Variants in PKD1L1 observed in about 807,000 individuals in gnomAD.
PKD1L1 encodes polycystin-1-like protein 1.
In PKD1L1, 236 loss-of-function variants were observed where a neutral mutation model predicts 323.4. The observed-to-expected ratio is 0.73, with a 90% CI of 0.66 to 0.81. The LOEUF is 0.81. Among genes scored for constraint, PKD1L1 ranks in the 40% least tolerant of loss-of-function variants. PKD1L1 has a pLI of 0.00. For synonymous variants in PKD1L1, 1,344 were observed against 1,335.0 expected, an observed-to-expected ratio of 1.01 and a Z score of -0.15; for missense variants, 3,320 against 3,508.0, an observed-to-expected ratio of 0.95 and a Z score of 1.35.
intron 4 of PKD1L1, among the ~76,000 whole-genome samples, chr7:47,935,514 A>G (rs576939401): frequency 6.6e-6 from 1 of 152,382 alleles, no homozygotes; most frequent in African/African-American, 2.4e-5. Context: ...TGAAGGGTCC[A>G]ATTCTCCCCA....
intron 31 of PKD1L1, 30 bp downstream of exon 31, chr7:47,853,097 A>T (rs749095143): frequency 6.9e-7 from 1 of 1,440,620 alleles, no homozygotes; most frequent in Admixed American, 1.7e-5. Context: ...TGTAAACAGA[A>T]AGGGAAAATA....
Position 47,833,118 on chromosome 7 carries a change from T to C in PKD1L1, c.6309A>G (p.Lys2103=), listed in dbSNP as rs768800658. ...ADHSRTSLMG[K]SHCCPPHTQA... ...GAGTGTGGGGAGGGCAGCAGTGGCT[T>C]TTCCCCATCAGAGAAGTCCTGCTGT... Residue 2103 remains lysine, a synonymous_variant, in exon 41 of 57, where the codon AAA becomes AAG. Transcript: ENST00000289672. 6.2e-7 allele frequency: 1 copy of C among 1,612,010 alleles called. No homozygotes were observed. Among genetic ancestry groups the C allele is most frequent in the Non-Finnish European group, 8.5e-7 (1 of 1,179,202 alleles).
At chr7:47,809,293 T>C (rs1784844769) in intron 51 of PKD1L1, 180 bp downstream of exon 51, 2 of 553,924 alleles carry the variant, frequency 3.6e-6, no homozygotes, top group African/African-American at 3.8e-5. Flanking sequence ...ACGGTAACTG[T>C]AACAACACTA....
chr7:47,948,023 G>A (rs998709163), intron 1 of PKD1L1, among the ~76,000 whole-genome samples: 1 of 152,174 alleles, frequency 6.6e-6, no homozygotes, highest in African/African-American at 2.4e-5. Context: ...TCCTGTGCCA[G>A]GTTTCTCCTG....
At chr7:47,898,446 C>G (rs1466319673) in intron 13 of PKD1L1, among the ~76,000 whole-genome samples, 1 of 151,714 alleles carries the variant, frequency 6.6e-6, no homozygotes, top group Non-Finnish European at 1.5e-5. Flanking sequence ...TGAGAAAAAA[C>G]TTCCTATGCA....
At chr7:47,877,898 A>G (rs1302157121) in intron 21 of PKD1L1, among the ~76,000 whole-genome samples, 1 of 152,078 alleles carries the variant, frequency 6.6e-6, no homozygotes, top group Non-Finnish European at 1.5e-5. Flanking sequence ...CACTGCCTAT[A>G]TGTTCATTAA....
At chr7:47,936,806 G>T in intron 4 of PKD1L1, 40 bp downstream of exon 4, 1 of 1,432,052 alleles carries the variant, frequency 7.0e-7, no homozygotes, top group Non-Finnish European at 9.7e-7. Context: ...TCATTTGCAT[G>T]TTCAGAAAAG....
At position 47,829,517 on chromosome 7, in the gene PKD1L1, C is replaced by A. The variant is rs1277207561; in HGVS notation, c.6643G>T (p.Asp2215Tyr). ...FTESLCEATR[D>Y]LDSELAERSW... ...CGTTCTGCCAATTCAGAGTCCAGATCCCTGGTAGCCTCACATAAAGACTCA... is the reference window on the plus strand; with the variant it reads ...CGTTCTGCCAATTCAGAGTCCAGATACCTGGTAGCCTCACATAAAGACTCA... The change falls in exon 44 of 57, where the codon GAT becomes TAT. Residue 2215 changes from aspartate to tyrosine, a missense_variant. Coordinates refer to ENST00000289672, the MANE Select transcript of PKD1L1 (RefSeq NM_138295.5). 3.1e-6 allele frequency: 5 copies of A among 1,614,086 alleles called. No homozygotes were observed. The highest frequency in any genetic ancestry group is 1.7e-4 in the Middle Eastern group (1 of 6,060).
rs886259448 is a variant in PKD1L1 at position 47,874,088 on chromosome 7, C to T, written c.3785-78G>A. The T allele has an allele frequency of 5.7e-6, 5 of 874,268 alleles. No individual in the cohort carries two copies. In the African/African-American group the frequency reaches 8.4e-5, roughly 15 times the overall value. The allele number at this position is 874,268 out of a possible 1,614,324, so 54.2% of individuals were successfully genotyped here. A position where few individuals can be genotyped will look rare whatever the true frequency, so the allele number is the denominator to read the frequency against. ...ATGCTTCTTCACACACAGACAGCAT[C>T]TTCTGGATGACTAAAACTGTGACAA... On this transcript the variant is annotated intron_variant, in intron 23 of 56. Coordinates refer to ENST00000289672, the MANE Select transcript of PKD1L1 (RefSeq NM_138295.5).
intron 13 of PKD1L1, among the ~76,000 whole-genome samples, chr7:47,900,596 T>C (rs933999048): frequency 2.0e-5 from 3 of 151,974 alleles, no homozygotes; most frequent in African/African-American, 7.3e-5. Flanking sequence ...GGTGTGGTGG[T>C]GAGCGCCTGT....
chr7:47,914,668 A>G (rs891675624), intron 8 of PKD1L1, among the ~76,000 whole-genome samples: 2 of 151,920 alleles, frequency 1.3e-5, no homozygotes, highest in Non-Finnish European at 2.9e-5. Context: ...ATCTTACCCA[A>G]TGTTTGCCTC....
In PKD1L1 at chr7:47,833,131, G is replaced by A; in HGVS notation, c.6296C>T (p.Ser2099Phe). The A allele has an allele frequency of 6.2e-7, 1 of 1,612,384 alleles. No individual in the cohort carries two copies. Among genetic ancestry groups the A allele is most frequent in the South Asian group, 1.1e-5 (1 of 90,402 alleles). ...QVHGADHSRTSLMGKSHCCPP... is the reference protein window; with the variant it reads ...QVHGADHSRTFLMGKSHCCPP... ...GCAGCAGTGGCTTTTCCCCATCAGA[G>A]AAGTCCTGCTGTGGTCAGCCCCATG... Residue 2099 changes from serine to phenylalanine, a missense_variant, in exon 41 of 57, where the codon TCT becomes TTT. Physicochemically the swap from Ser to Phe is radical, Grantham distance 155 (BLOSUM62 -2). Coordinates refer to ENST00000289672, the MANE Select transcript of PKD1L1 (RefSeq NM_138295.5).
At position 47,939,783 on chromosome 7, in the gene PKD1L1, CAGCACCCACTCCCCACCCCGGGGAT is replaced by C. The variant is rs1478704493; in HGVS notation, c.285+385_285+409del. On this transcript the variant is annotated intron_variant, in intron 3 of 56. Transcript: ENST00000289672. ...CAGCTCCCACTCCCCACCTGGGGGA[CAGCACCCACTCCCCACCCCGGGGAT>C]AGCCCCCACTCCCCGCTTGAGGGGC... Among the ~76,000 whole-genome samples the C allele has an allele frequency of 1.3e-3, 197 of 151,490 alleles. 1 individual carries two copies. Among genetic ancestry groups the C allele is most frequent in the Non-Finnish European group, 2.5e-4 (17 of 67,764 alleles).
chr7:47,929,781 G>C (rs1000410554), intron 6 of PKD1L1, among the ~76,000 whole-genome samples: 11 of 152,334 alleles, frequency 7.2e-5, no homozygotes, highest in African/African-American at 2.6e-4. Flanking sequence ...GGTGGGGCCA[G>C]CAAGCCCCCA....
At chr7:47,958,828 G>GGTCTCCCTCTCCCCACA in the PKD1L1 span, among the ~76,000 whole-genome samples, 15 of 150,104 alleles carry the variant, frequency 1.0e-4, no homozygotes, top group African/African-American at 3.7e-4. Flanking sequence ...CTCTCCCCAC[G>GGTCTCCCTCTCCCCACA]GTCTCCCTCT....
rs527401761 is a variant in PKD1L1 at position 47,847,460 on chromosome 7, T to C, written c.4961-389A>G. Among the ~76,000 whole-genome samples the C allele has an allele frequency of 3.3e-5, 5 of 152,324 alleles. No homozygotes were observed. In the South Asian group the frequency reaches 1.0e-3, roughly 32 times the overall value. ...AGCCCACTTCCTGCTCCTCGCCAGT[T>C]TGTCAGCCAGCCTGCGAAATTTCAG... On this transcript the variant is annotated intron_variant, in intron 31 of 56. Coordinates refer to ENST00000289672, the MANE Select transcript of PKD1L1 (RefSeq NM_138295.5).
rs562649129 is a variant in PKD1L1 at position 47,899,036 on chromosome 7, G to T, written c.2065-842C>A. On this transcript the variant is annotated intron_variant, in intron 13 of 56. Coordinates refer to ENST00000289672, the MANE Select transcript of PKD1L1 (RefSeq NM_138295.5). ...TAATTACCAACATTCAGAGTAAGAA[G>T]CTGGGGCACTAGTTACTTCCAAAGG... Among the ~76,000 whole-genome samples, 82 of 152,334 alleles carry T rather than the reference G, an allele frequency of 5.4e-4. 3 individuals are homozygous for T. The South Asian group carries it at 0.017, about 31-fold the overall frequency.
chr7:47,834,950 T>G lies in PKD1L1; in HGVS notation c.6127+17A>C, dbSNP rs1426746053. 6 of 1,607,646 alleles carry G rather than the reference T, an allele frequency of 3.7e-6. No homozygotes were observed. The highest frequency in any genetic ancestry group is 5.1e-6 in the Non-Finnish European group (6 of 1,175,866). ...CAGCCCCACGGAGAGTTTCTGAGAG[T>G]TTTAATGTACATTTACCATGGGGTG... is the stretch of plus-strand genomic sequence containing the variant. On this transcript the variant is annotated intron_variant, in intron 39 of 56. Coordinates refer to ENST00000289672, the MANE Select transcript of PKD1L1 (RefSeq NM_138295.5).
intron 22 of PKD1L1, 22 bp from the exon 23 acceptor site, chr7:47,876,239 C>A (rs1192174464): frequency 1.2e-6 from 2 of 1,609,324 alleles, no homozygotes; most frequent in South Asian, 1.1e-5. Context: ...TCCAAGGGAG[C>A]AAAAATAGTA....
Sources: allele counts gnomAD v4.1 joint callset (sites outside exome capture counted in the v4.1 genomes callset), GRCh38; gene constraint gnomAD v4.1.1; transcripts MANE v1.5; gene names NCBI Gene and HGNC (gene_info 2026-07-23, HGNC 2026-07-21).